Variants in SLC41A3 observed in about 807,000 individuals in gnomAD.
The protein encoded by SLC41A3 is solute carrier family 41 member 3, also known as SLC41A1-like 2.
Under a neutral mutation model 45.4 loss-of-function variants are expected in SLC41A3, and 44 were observed. The observed-to-expected ratio is 0.97, with a 90% CI of 0.76 to 1.25. SLC41A3 has a LOEUF of 1.25. Among genes scored for constraint, SLC41A3 ranks in the 50% most tolerant of loss-of-function variants. The pLI, the probability that SLC41A3 is intolerant of heterozygous loss-of-function variation, is 0.00. For missense variants in SLC41A3, 550 were observed against 600.6 expected (o/e 0.92, Z 0.88); for synonymous variants, 256 against 252.4 (o/e 1.01, Z -0.13).
intron 3 of SLC41A3, among the ~76,000 whole-genome samples, chr3:126,036,752 T>C (rs1414731008): frequency 6.6e-6 from 1 of 152,220 alleles, no homozygotes; most frequent in Admixed American, 6.5e-5. Flanking sequence ...ACATAATTTG[T>C]CATTACTTTC....
intron 1 of SLC41A3, chr3:126,073,003 C>T (rs1486190842): frequency 2.0e-5 from 3 of 152,148 alleles, no homozygotes; most frequent in African/African-American, 7.2e-5. Flanking sequence ...TCCTAAACAA[C>T]CTAATGCAGA....
At chr3:126,083,727 G>C (rs1945283887) in intron 1 of SLC41A3, 1 of 152,016 alleles carries the variant, frequency 6.6e-6, no homozygotes, top group South Asian at 2.1e-4. Context: ...AGCGGTGTGG[G>C]GAGCGGCCTC....
At chr3:126,075,304 C>T (rs181864885) in intron 1 of SLC41A3, among the ~76,000 whole-genome samples, 1 of 152,232 alleles carries the variant, frequency 6.6e-6, no homozygotes, top group Non-Finnish European at 1.5e-5. Flanking sequence ...AAAACAATTG[C>T]ATTTGCAATA....
rs1559869895 is a variant in SLC41A3 at position 126,059,291 on chromosome 3, AAAG to A, written c.274-8244_274-8242del. Among the ~76,000 whole-genome samples the A allele has an allele frequency of 3.3e-3, 404 of 121,230 alleles. 6 individuals are homozygous for A. The highest frequency in any genetic ancestry group is 4.8e-3 in the Non-Finnish European group (268 of 55,420). 79.5% of individuals were successfully genotyped at this position (121,230 alleles called of 152,430 possible). A position where few individuals can be genotyped will look rare whatever the true frequency, so the allele number is the denominator to read the frequency against. On this transcript the variant is annotated intron_variant, in intron 2 of 10. Transcript: ENST00000360370. The stretch of plus-strand genomic sequence containing the variant: ...GAAAGAAAGAAAGAAAGAAAGAAAG[AAAG>A]AAAGAAAGAAAGAAAGGAAGGATGA...
intron 4 of SLC41A3, among the ~76,000 whole-genome samples, chr3:126,032,447 T>C: frequency 6.6e-6 from 1 of 152,176 alleles, no homozygotes. Context: ...GGAAGGACCA[T>C]CCACAAGGCA....
chr3:126,036,405 G>A (rs1942194156), intron 3 of SLC41A3, among the ~76,000 whole-genome samples: 1 of 152,162 alleles, frequency 6.6e-6, no homozygotes, highest in African/African-American at 2.4e-5. Context: ...AGTTTGGGGT[G>A]TATGACCCCT....
rs1945311012 is a variant in SLC41A3, at chr3:126,084,088, C to T, written c.-28+5G>A. On this transcript the variant is annotated splice_donor_5th_base_variant and intron_variant, in intron 1 of 10. Coordinates refer to ENST00000360370, the MANE Select transcript of SLC41A3 (RefSeq NM_017836.4). The stretch of plus-strand genomic sequence containing the variant: ...CAACCCCGCCCGGAACAGGGCCGCG[C>T]TTACCGGGTCCCCTCCCAGGCGGCG... The T allele has an allele frequency of 6.6e-6, 1 of 152,346 alleles. No individual in the cohort carries two copies. Among genetic ancestry groups the T allele is most frequent in the South Asian group, 2.1e-4 (1 of 4,830 alleles). 9.4% of individuals were successfully genotyped at this position (152,346 alleles called of 1,614,324 possible).
Position 126,095,284 on chromosome 3 carries a change from C to A in SLC41A3, c.-79+6145G>T, listed in dbSNP as rs1214670109. On this transcript the variant is annotated intron_variant, in intron 1 of 9. Transcript: ENST00000508835. ...AGAGATTCCAGGAGGATCCCAAGGACCCCCTGTTGCAGCCGTGTTGAGGCT... is the reference window on the plus strand; with the variant it reads ...AGAGATTCCAGGAGGATCCCAAGGAACCCCTGTTGCAGCCGTGTTGAGGCT... The A allele has an allele frequency of 5.9e-6, 4 of 673,852 alleles. No homozygotes were observed. In the East Asian group the frequency reaches 1.1e-4, roughly 19 times the overall value. The allele number at this position is 673,852 out of a possible 1,614,324, so 41.7% of individuals were successfully genotyped here.
chr3:126,017,305 G>C (rs1337086642), intron 6 of SLC41A3, among the ~76,000 whole-genome samples: 1 of 152,214 alleles, frequency 6.6e-6, no homozygotes, highest in African/African-American at 2.4e-5. Context: ...TGCAAAAAAG[G>C]GTGGCTGCCT....
intron 6 of SLC41A3, among the ~76,000 whole-genome samples, chr3:126,017,111 A>G (rs941480172): frequency 6.6e-6 from 1 of 152,108 alleles, no homozygotes; most frequent in Non-Finnish European, 1.5e-5. Context: ...CAAACTTGCT[A>G]TTTTCCCCAT....
At chr3:126,059,117 A>C (rs1943854515) in intron 2 of SLC41A3, among the ~76,000 whole-genome samples, 1 of 151,096 alleles carries the variant, frequency 6.6e-6, no homozygotes, top group African/African-American at 2.4e-5. Flanking sequence ...GGGCTTCTCC[A>C]TGGCTCCATT....
At chr3:126,021,071 T>A (rs1006266772) in intron 6 of SLC41A3, among the ~76,000 whole-genome samples, 4 of 152,130 alleles carry the variant, frequency 2.6e-5, no homozygotes, top group African/African-American at 9.7e-5. Flanking sequence ...ATTTTTTGTA[T>A]TTTTAGTAGA....
chr3:126,077,136 G>C (rs1944916803), intron 1 of SLC41A3, among the ~76,000 whole-genome samples: 1 of 152,182 alleles, frequency 6.6e-6, no homozygotes, highest in Non-Finnish European at 1.5e-5. Flanking sequence ...CCAGCACTTT[G>C]GGAGCTAGAG....
rs1163592444 is a variant in SLC41A3, at chr3:126,026,649, C to T, written c.454-170G>A. ...CCCCAGGAAAAACTAATACCACACC[C>T]CACACCTGCCTTGAACTCAACTCCT... On this transcript the variant is annotated intron_variant, in intron 4 of 10. Coordinates refer to ENST00000360370, the MANE Select transcript of SLC41A3 (RefSeq NM_017836.4). The surrounding 1 kb of genome is among the most constrained non-coding windows in gnomAD (Gnocchi z 4.2). 6.6e-6 allele frequency among the ~76,000 whole-genome samples: 1 copy of T among 152,220 alleles called. No individual in the cohort carries two copies. Among genetic ancestry groups the T allele is most frequent in the African/African-American group, 2.4e-5 (1 of 41,454 alleles).
intron 2 of SLC41A3, among the ~76,000 whole-genome samples, chr3:126,061,361 C>T (rs1453993752): frequency 6.6e-6 from 1 of 152,216 alleles, no homozygotes; most frequent in Non-Finnish European, 1.5e-5. Flanking sequence ...CCTGCTCCCA[C>T]ACTGTCTCCA....
rs4076727 is a variant in SLC41A3, at chr3:126,051,298, C to T, written c.274-248G>A. Among the ~76,000 whole-genome samples the T allele has an allele frequency of 0.31, 47,273 of 152,264 alleles. 7,592 individuals carry two copies. Among genetic ancestry groups the T allele is most frequent in the Middle Eastern group, 0.43 (127 of 294 alleles). On this transcript the variant is annotated intron_variant, in intron 2 of 10. Transcript: ENST00000360370. ...GGGGCTGGGCCAGGCTGGAGGCCAGCGGGTGGCAGCCATGCTGCATGTGCT... is the reference window on the plus strand; with the variant it reads ...GGGGCTGGGCCAGGCTGGAGGCCAGTGGGTGGCAGCCATGCTGCATGTGCT...
rs1162169129 is a variant in SLC41A3 at position 126,015,482 on chromosome 3, T to G, written c.970+12A>C. The G allele has an allele frequency of 6.2e-6, 10 of 1,613,906 alleles. No homozygotes were observed. Among genetic ancestry groups the G allele is most frequent in the Non-Finnish European group, 7.6e-6 (9 of 1,179,884 alleles). ...AACCCAGGGACCACATGGGAACCCT[T>G]CAAATACGTACCACATATGACGGGG... is the stretch of plus-strand genomic sequence containing the variant. On this transcript the variant is annotated intron_variant, in intron 8 of 10. Coordinates refer to ENST00000360370, the MANE Select transcript of SLC41A3 (RefSeq NM_017836.4).
At chr3:126,013,380 T>C (rs58906001) in intron 8 of SLC41A3, among the ~76,000 whole-genome samples, 3,310 of 151,604 alleles carry the variant, frequency 0.022, 91 homozygotes, top group East Asian at 0.14. Flanking sequence ...ACCAACATGG[T>C]GAAACTCTGT....
chr3:126,053,400 T>C (rs1232291020), intron 2 of SLC41A3, among the ~76,000 whole-genome samples: 1 of 152,210 alleles, frequency 6.6e-6, no homozygotes, highest in Non-Finnish European at 1.5e-5. Context: ...AATCAGTTTC[T>C]ATTGTTTAAG....
Sources: gnomAD v4.1 joint callset for allele counts (sites outside exome capture counted in the v4.1 genomes callset) on GRCh38, gnomAD v4.1.1 for gene constraint, Gnocchi (gnomAD v3.1) non-coding constraint, MANE v1.5 for transcripts, NCBI Gene and HGNC (gene_info 2026-07-23, HGNC 2026-07-21) for gene names.